Variants in HYDIN observed in about 807,000 individuals in gnomAD.
HYDIN encodes axonemal central pair apparatus protein HYDIN.
HYDIN carries 132 observed loss-of-function variants against 403.9 expected under a neutral mutation model. The observed-to-expected ratio is 0.33, with a 90% CI of 0.28 to 0.38. The LOEUF (loss-of-function observed/expected upper bound fraction) is 0.38, where lower values mean the gene tolerates loss of function less well. Ranked by LOEUF, HYDIN falls within the 10% of genes least tolerant of loss-of-function variation. The probability of loss-of-function intolerance (pLI) is 1.00; values close to 1 mark genes in which losing one functional copy is unlikely to be tolerated. For synonymous variants in HYDIN, 1,202 were observed against 1,891.7 expected (o/e 0.64, Z 9.46); for missense variants, 2,827 against 5,009.5 (o/e 0.56, Z 13.15).
chr16:70,905,363 G>T (rs1022310421), intron 50 of HYDIN, among the ~76,000 whole-genome samples: 1 of 152,058 alleles, frequency 6.6e-6, no homozygotes, highest in Non-Finnish European at 1.5e-5. Context: ...AAGTGAACAG[G>T]CTTGGCACAG....
intron 6 of HYDIN, among the ~76,000 whole-genome samples, chr16:71,153,422 T>C (rs1391647428): frequency 6.6e-6 from 1 of 150,938 alleles, no homozygotes; most frequent in African/African-American, 2.4e-5. Context: ...ACAGTAGCGC[T>C]GCCACAAAAG....
In HYDIN at chr16:71,186,702, G is replaced by A; in HGVS notation, c.135+59C>T. On this transcript the variant is annotated intron_variant, in intron 2 of 85. Transcript: ENST00000393567. ...ATTCTGAGAATGCCAAGTAGCAACT[G>A]TCATTCTCCTAAGGAGATTGCATTA... 4 of 1,362,330 alleles carry A rather than the reference G, an allele frequency of 2.9e-6. No homozygotes were observed. In the Admixed American group the frequency reaches 6.0e-5, roughly 20 times the overall value. The allele number at this position is 1,362,330 out of a possible 1,614,324, so 84.4% of individuals were successfully genotyped here.
chr16:70,923,578 G>A (rs868553254), intron 45 of HYDIN, among the ~76,000 whole-genome samples: 2 of 127,842 alleles, frequency 1.6e-5, no homozygotes, highest in Non-Finnish European at 3.3e-5. Flanking sequence ...CGAGGTGGGC[G>A]GATCACGAGG....
At chr16:70,816,171 A>G (rs2035825607) in intron 84 of HYDIN, among the ~76,000 whole-genome samples, 1 of 152,206 alleles carries the variant, frequency 6.6e-6, no homozygotes, top group African/African-American at 2.4e-5. Flanking sequence ...AACAACAACA[A>G]CAACAAAAAA....
chr16:71,153,149 G>A (rs1165239595), intron 6 of HYDIN, among the ~76,000 whole-genome samples: 5 of 150,064 alleles, frequency 3.3e-5, no homozygotes, highest in Non-Finnish European at 1.5e-5. Context: ...TGAGATTGCT[G>A]TAAGGAACAG....
At chr16:70,969,017 T>G (rs1023266128) in intron 36 of HYDIN, among the ~76,000 whole-genome samples, 8 of 151,948 alleles carry the variant, frequency 5.3e-5, no homozygotes, top group Admixed American at 3.9e-4. Context: ...AAACTCAATA[T>G]GTGGGCAGAA....
chr16:71,215,109 G>A (rs2088811068), intron 1 of HYDIN, among the ~76,000 whole-genome samples: 1 of 152,108 alleles, frequency 6.6e-6, no homozygotes, highest in African/African-American at 2.4e-5. Flanking sequence ...TAACATAGAG[G>A]CCAACTTGCA....
intron 18 of HYDIN, among the ~76,000 whole-genome samples, chr16:71,052,752 A>T (rs1303816025): frequency 4.4e-5 from 5 of 112,732 alleles, no homozygotes; most frequent in East Asian, 5.3e-4. Context: ...TTGGTGGCTG[A>T]GGTGGGAGGA....
chr16:71,056,139 T>G lies in HYDIN; in HGVS notation c.2529+4365A>C, dbSNP rs1453698545. ...CATTCTGAGATTTGTTTTTTTTTTT[T>G]TTTTTTTTTACTCCTTCAAACCAGA... On this transcript the variant is annotated intron_variant, in intron 18 of 85. Transcript: ENST00000393567. Among the ~76,000 whole-genome samples, 19 of 150,366 alleles carry G rather than the reference T, an allele frequency of 1.3e-4. No individual in the cohort carries two copies. The South Asian group carries it at 4.0e-3, about 32-fold the overall frequency.
rs939034109 is a variant in HYDIN, at chr16:70,803,228, G to GT, written c.*4351dup. On this transcript the variant is annotated 3_prime_UTR_variant, in exon 86 of 86. Coordinates refer to ENST00000393567, the MANE Select transcript of HYDIN (RefSeq NM_001270974.2). The stretch of plus-strand genomic sequence containing the variant: ...TCTGGCTCAGGTTGCTAAGTAACCA[G>GT]TTTTTTATTCAAGGCCCAGACCAAT... Among the ~76,000 whole-genome samples, 3 of 152,290 alleles carry GT rather than the reference G, an allele frequency of 2.0e-5. No individual in the cohort carries two copies. The highest frequency in any genetic ancestry group is 1.3e-4 in the Admixed American group (2 of 15,300).
chr16:70,809,891 T>G lies in HYDIN; in HGVS notation c.14775A>C (p.Pro4925=), dbSNP rs750579852. The G allele has an allele frequency of 1.2e-5, 20 of 1,614,106 alleles. 1 individual carries two copies. The South Asian group carries it at 2.1e-4, about 17-fold the overall frequency. Reference sequence around the variant, plus strand: ...AGTGAACAGGCTTTTCCGGAAGTGCTGGCGTGGCTTTCAGATAGAGCTCAT... The same window carrying G: ...AGTGAACAGGCTTTTCCGGAAGTGCGGGCGTGGCTTTCAGATAGAGCTCAT... ...YQYELYLKAT[P]ALPEKPVHFQ... Residue 4925 remains proline, a synonymous_variant, in exon 85 of 86, where the codon CCA becomes CCC. Coordinates refer to ENST00000393567, the MANE Select transcript of HYDIN (RefSeq NM_001270974.2).
intron 40 of HYDIN, among the ~76,000 whole-genome samples, chr16:70,954,317 GGCATGGTGGT>G: frequency 8.8e-6 from 1 of 114,020 alleles, no homozygotes; most frequent in Non-Finnish European, 1.8e-5. Context: ...AAATTAGCCA[GGCATGGTGGT>G]GCATGTCTGT....
intron 45 of HYDIN, among the ~76,000 whole-genome samples, chr16:70,930,197 C>A (rs1293199729): frequency 6.6e-6 from 1 of 152,244 alleles, no homozygotes; most frequent in African/African-American, 2.4e-5. Flanking sequence ...AACCACCAAC[C>A]GGGCTGGGCA....
Position 71,119,959 on chromosome 16 carries a change from TATTACTCAGTTCTAAC to T in HYDIN, c.1228-4180_1228-4165del, listed in dbSNP as rs373384523. On this transcript the variant is annotated intron_variant, in intron 9 of 85. Transcript: ENST00000393567. ...TCTGCAAAAAAAAACTTTCTTTCTT[TATTACTCAGTTCTAAC>T]ATTTCTGAAAATCAAAACATCCAGA... Among the ~76,000 whole-genome samples the T allele has an allele frequency of 4.9e-3, 746 of 151,078 alleles. 5 individuals carry two copies. The highest frequency in any genetic ancestry group is 0.017 in the African/African-American group (701 of 40,432).
At chr16:71,183,878 C>A (rs2144661504) in intron 3 of HYDIN, among the ~76,000 whole-genome samples, 1 of 152,178 alleles carries the variant, frequency 6.6e-6, no homozygotes, top group South Asian at 2.1e-4. Flanking sequence ...TCCTTTATAG[C>A]AGAGTCAAAA....
chr16:70,884,869 C>A (rs2041036973), intron 58 of HYDIN, among the ~76,000 whole-genome samples: 1 of 152,272 alleles, frequency 6.6e-6, no homozygotes, highest in African/African-American at 2.4e-5. Context: ...AGGCTCTGTT[C>A]TCATCTTTCC....
At chr16:70,936,644 C>T (rs2077501202) in intron 44 of HYDIN, among the ~76,000 whole-genome samples, 1 of 151,622 alleles carries the variant, frequency 6.6e-6, no homozygotes, top group Non-Finnish European at 1.5e-5. Flanking sequence ...AGCAATTCTC[C>T]TGCCTAAGCC....
intron 20 of HYDIN, among the ~76,000 whole-genome samples, chr16:71,025,730 A>G (rs1293182576): frequency 8.1e-4 from 108 of 133,974 alleles, no homozygotes; most frequent in African/African-American, 2.7e-3. Flanking sequence ...GCCTTGATGG[A>G]TTCTGTATTT....
intron 53 of HYDIN, among the ~76,000 whole-genome samples, chr16:70,898,074 T>C (rs2076258179): frequency 6.6e-6 from 1 of 151,662 alleles, no homozygotes; most frequent in Non-Finnish European, 1.5e-5. Context: ...GAGGCTGAGG[T>C]GGGAGGATTG....
Sources: allele counts gnomAD v4.1 joint callset (sites outside exome capture counted in the v4.1 genomes callset), GRCh38; gene constraint gnomAD v4.1.1; transcripts MANE v1.5; gene names NCBI Gene and HGNC (gene_info 2026-07-23, HGNC 2026-07-21).